DOK6: variants seen among roughly 807,000 people sequenced by gnomAD.
The protein encoded by DOK6 is downstream of tyrosine kinase 6.
DOK6 carries 22 observed loss-of-function variants against 44.0 expected under a neutral mutation model. The ratio of observed to expected loss-of-function variants is 0.50; its 90% CI spans 0.36 to 0.71. The LOEUF (loss-of-function observed/expected upper bound fraction) is 0.71. Among genes scored for constraint, DOK6 ranks in the 30% least tolerant of loss-of-function variants. DOK6 has a pLI of 0.00. For synonymous variants in DOK6, 166 were observed against 145.5 expected, an observed-to-expected ratio of 1.14 and a Z score of -1.01; for missense variants, 340 against 416.4, an observed-to-expected ratio of 0.82 and a Z score of 1.60.
chr18:69,552,917 G>A (rs1752861583), intron 1 of DOK6, among the ~76,000 whole-genome samples: 1 of 152,256 alleles, frequency 6.6e-6, no homozygotes, highest in Non-Finnish European at 1.5e-5. Flanking sequence ...ACAGAGATAT[G>A]ATGTGCTAAT....
At chr18:69,639,537 G>A (rs1432903406) in intron 3 of DOK6, among the ~76,000 whole-genome samples, 3 of 152,154 alleles carry the variant, frequency 2.0e-5, no homozygotes, top group East Asian at 3.9e-4. Context: ...TCTTCTTTGA[G>A]TCCTCGTGCA....
rs1985474711 is a variant in DOK6 at position 69,659,909 on chromosome 18, TTTATATATATAACATATATGTATG to T, written c.290-17822_290-17799del. On this transcript the variant is annotated intron_variant, in intron 3 of 7. Transcript: ENST00000382713. ...TTATATATATAACATATATGTATGT[TTTATATATATAACATATATGTATG>T]TTTTATATATATAACATATATGTAT... 17 of 129,358 alleles carry T rather than the reference TTTATATATATAACATATATGTATG, an allele frequency of 1.3e-4. 1 individual carries two copies. Among genetic ancestry groups the T allele is most frequent in the East Asian group, 1.3e-3 (3 of 2,386 alleles). 8.0% of individuals were successfully genotyped at this position (129,358 alleles called of 1,614,324 possible).
intron 6 of DOK6, among the ~76,000 whole-genome samples, chr18:69,748,842 A>G (rs927205817): frequency 1.3e-5 from 2 of 152,218 alleles, no homozygotes; most frequent in Admixed American, 1.3e-4. Context: ...TCTATTACAA[A>G]GATACAGGCA....
intron 1 of DOK6, among the ~76,000 whole-genome samples, chr18:69,519,064 T>C (rs1297104967): frequency 2.0e-5 from 3 of 152,086 alleles, no homozygotes; most frequent in South Asian, 4.1e-4. Flanking sequence ...CATATTGTAG[T>C]TGGCTTTCAG....
chr18:69,756,042 C>T (rs1470386597), intron 6 of DOK6, among the ~76,000 whole-genome samples: 3 of 152,126 alleles, frequency 2.0e-5, no homozygotes, highest in South Asian at 4.1e-4. Flanking sequence ...ACATGTGGGC[C>T]CTTGGTCTGA....
At chr18:69,783,795 T>C (rs961153238) in intron 7 of DOK6, among the ~76,000 whole-genome samples, 1 of 152,212 alleles carries the variant, frequency 6.6e-6, no homozygotes, top group African/African-American at 2.4e-5. Context: ...CTTATAATTT[T>C]CAATGAATAT....
In DOK6 at chr18:69,846,824, T is replaced by C. The variant is rs1379941711; in HGVS notation, c.*5441T>C. The C allele has an allele frequency of 1.3e-5, 2 of 152,196 alleles. No homozygotes were observed. The highest frequency in any genetic ancestry group is 6.5e-5 in the Admixed American group (1 of 15,282). The allele number at this position is 152,196 out of a possible 1,614,324, so 9.4% of individuals were successfully genotyped here. ...TAACATCAGGGCTACATTTTTTTCA[T>C]GTGAGCCTCAAGAAGCTTCCATTAT... On this transcript the variant is annotated 3_prime_UTR_variant, in exon 8 of 8. Coordinates refer to ENST00000382713, the MANE Select transcript of DOK6 (RefSeq NM_152721.6).
intron 5 of DOK6, among the ~76,000 whole-genome samples, chr18:69,733,103 C>A (rs1200032808): frequency 6.6e-6 from 1 of 151,758 alleles, no homozygotes; most frequent in Non-Finnish European, 1.5e-5. Flanking sequence ...CTGAGGTGGG[C>A]AGATTACTTG....
intron 1 of DOK6, among the ~76,000 whole-genome samples, chr18:69,427,912 G>A (rs940366436): frequency 1.3e-5 from 2 of 151,790 alleles, no homozygotes; most frequent in Admixed American, 6.6e-5. Flanking sequence ...TGAGTAGCTC[G>A]AATTATAAGT....
chr18:69,401,796 C>T (rs984563468), intron 1 of DOK6, among the ~76,000 whole-genome samples: 1 of 152,114 alleles, frequency 6.6e-6, no homozygotes, highest in African/African-American at 2.4e-5. Context: ...GCGTCCCTGC[C>T]GGCTGTAGTT....
chr18:69,778,555 G>T (rs561039081), intron 7 of DOK6, among the ~76,000 whole-genome samples: 1 of 152,116 alleles, frequency 6.6e-6, no homozygotes, highest in South Asian at 2.1e-4. Flanking sequence ...AAACTACATG[G>T]CTGGCTTATA....
At chr18:69,432,116 G>A (rs1347717558) in intron 1 of DOK6, among the ~76,000 whole-genome samples, 1 of 152,124 alleles carries the variant, frequency 6.6e-6, no homozygotes, top group African/African-American at 2.4e-5. Context: ...CAATTAGTGA[G>A]TTTTTTCCCC....
At chr18:69,420,420 G>A (rs960613095) in intron 1 of DOK6, among the ~76,000 whole-genome samples, 1 of 151,992 alleles carries the variant, frequency 6.6e-6, no homozygotes, top group African/African-American at 2.4e-5. Context: ...TTTACACACA[G>A]TACACCTTTA....
intron 3 of DOK6, among the ~76,000 whole-genome samples, chr18:69,647,951 G>C (rs925372368): frequency 1.3e-5 from 2 of 152,114 alleles, no homozygotes. Context: ...GGGAGAGCCA[G>C]AATGAATTTA....
intron 3 of DOK6, among the ~76,000 whole-genome samples, chr18:69,640,404 A>C (rs1455801810): frequency 6.6e-6 from 1 of 152,188 alleles, no homozygotes; most frequent in Non-Finnish European, 1.5e-5. Flanking sequence ...GCAAGCCTGA[A>C]AGATGTACCC....
chr18:69,604,974 T>G (rs1983960254), intron 3 of DOK6, among the ~76,000 whole-genome samples: 1 of 151,826 alleles, frequency 6.6e-6, no homozygotes, highest in Non-Finnish European at 1.5e-5. Context: ...TTAATGAGTG[T>G]CGCTTCTCCT....
intron 7 of DOK6, among the ~76,000 whole-genome samples, chr18:69,825,609 T>A (rs1981720137): frequency 6.6e-6 from 1 of 151,788 alleles, no homozygotes; most frequent in African/African-American, 2.4e-5. Flanking sequence ...AATTTTTTTG[T>A]ATTTTTTAGT....
chr18:69,514,374 C>A (rs1230024544), intron 1 of DOK6, among the ~76,000 whole-genome samples: 1 of 152,122 alleles, frequency 6.6e-6, no homozygotes, highest in Non-Finnish European at 1.5e-5. Flanking sequence ...CGTACTATAT[C>A]GATTTTCAAA....
At chr18:69,451,973 A>T (rs1979480944) in intron 1 of DOK6, among the ~76,000 whole-genome samples, 1 of 136,602 alleles carries the variant, frequency 7.3e-6, no homozygotes, top group Non-Finnish European at 1.6e-5. Flanking sequence ...AAGATCCAAA[A>T]TTGACACCCT....
Sources: gnomAD v4.1 joint callset for allele counts (sites outside exome capture counted in the v4.1 genomes callset) on GRCh38, gnomAD v4.1.1 for gene constraint, MANE v1.5 for transcripts, NCBI Gene and HGNC (gene_info 2026-07-23, HGNC 2026-07-21) for gene names.